The following TAF8 variants were observed in gnomAD, a reference collection of about 807,000 sequenced individuals.
TAF8 encodes the protein TATA-box binding protein associated factor 8, also known as transcription initiation factor TFIID subunit 8.
Under a neutral mutation model 36.5 loss-of-function variants are expected in TAF8, and 47 were observed. That is an observed-to-expected ratio of 1.29 (90% CI 1.02 to 1.64). The LOEUF is 1.64. Ranked by LOEUF, TAF8 falls within the 40% of genes most tolerant of loss-of-function variation. The pLI is 0.00. For synonymous variants in TAF8, 175 were observed against 159.5 expected (o/e 1.10, Z -0.73); for missense variants, 420 against 407.6 (o/e 1.03, Z -0.26).
chr6:42,084,854 A>C (rs1766002570), downstream of TAF8, among the ~76,000 whole-genome samples: 1 of 152,238 alleles, frequency 6.6e-6, no homozygotes, highest in African/African-American at 2.4e-5. Flanking sequence ...TCACCAAGCC[A>C]CTACATGGCA....
intron 2 of TAF8, among the ~76,000 whole-genome samples, chr6:42,054,928 T>A (rs2127449638): frequency 6.7e-6 from 1 of 148,576 alleles, no homozygotes; most frequent in South Asian, 2.1e-4. Flanking sequence ...TTCTTTTTCT[T>A]TTCTTTTTTT....
chr6:42,054,700 C>T (rs949671192), intron 2 of TAF8, among the ~76,000 whole-genome samples: 5 of 152,096 alleles, frequency 3.3e-5, no homozygotes, highest in African/African-American at 9.7e-5. Context: ...CCACCTCCAC[C>T]TCCCAGGTTC....
intron 8 of TAF8, 22 bp from the exon 9 acceptor site, chr6:42,077,511 C>G (rs1362569032): frequency 6.2e-7 from 1 of 1,612,034 alleles, no homozygotes; most frequent in South Asian, 1.1e-5. Context: ...CCAGGAGGCT[C>G]CATGGTTCCT....
chr6:42,051,247 T>A, intron 1 of TAF8, 110 bp from the exon 2 acceptor site: 1 of 1,357,266 alleles, frequency 7.4e-7, no homozygotes, highest in Non-Finnish European at 9.9e-7. Flanking sequence ...TAAGCACTGA[T>A]TTTTAAAATA....
At chr6:42,064,371 G>T (rs2127456655) in intron 5 of TAF8, among the ~76,000 whole-genome samples, 1 of 152,068 alleles carries the variant, frequency 6.6e-6, no homozygotes, top group South Asian at 2.1e-4. Context: ...TCATGTCTCA[G>T]CCTCCCCCAA....
At position 42,057,537 on chromosome 6, in the gene TAF8, G is replaced by A. The variant is rs200007232; in HGVS notation, c.489+24G>A. ...CGGTGAGTGATGAAGCACTGGGACT[G>A]CGCGTGGTGTAAAGCACGGAGTCAG... On this transcript the variant is annotated intron_variant, in intron 5 of 8. Transcript: ENST00000372977. 4.3e-5 allele frequency: 70 copies of A among 1,613,760 alleles called. No homozygotes were observed. In the Admixed American group the frequency reaches 7.3e-4, roughly 17 times the overall value.
At chr6:42,063,598 TTTG>T (rs942495125) in intron 5 of TAF8, 5 of 152,126 alleles carry the variant, frequency 3.3e-5, no homozygotes, top group African/African-American at 9.7e-5. Flanking sequence ...TTTTGTTTGT[TTTG>T]TTGTTCTTGT....
intron 1 of TAF8, 102 bp downstream of exon 1, chr6:42,050,688 C>T: frequency 7.4e-7 from 1 of 1,355,962 alleles, no homozygotes; most frequent in Non-Finnish European, 9.9e-7. Flanking sequence ...TCAGCCCCAT[C>T]ATGAGCTCCG....
chr6:42,069,337 C>T (rs918218779), intron 7 of TAF8, among the ~76,000 whole-genome samples: 3 of 152,056 alleles, frequency 2.0e-5, no homozygotes, highest in African/African-American at 7.2e-5. Flanking sequence ...CTATAGAGGG[C>T]AGGCAGAAGC....
Position 42,055,992 on chromosome 6 carries a change from T to C in TAF8, c.342T>C (p.Ser114=). The C allele has an allele frequency of 6.2e-7, 1 of 1,613,556 alleles. No homozygotes were observed. The highest frequency in any genetic ancestry group is 8.5e-7 in the Non-Finnish European group (1 of 1,179,414). ...CTCTCCCTGCTTATGCAAAACGGTC[T>C]CAGAGGATGGTCATCACTGCTCGTA... ...VDTLPAYAKR[S]QRMVITAPPV... The change falls in exon 4 of 9, where the codon TCT becomes TCC. Residue 114 remains serine (S), a synonymous_variant. Transcript: ENST00000372977.
intron 1 of TAF8, chr6:42,050,805 G>T (rs1387137098): frequency 6.5e-6 from 6 of 926,652 alleles, no homozygotes; most frequent in African/African-American, 1.7e-5. Flanking sequence ...GCTGTTGGGG[G>T]TTGGGAGCCC....
In TAF8 at chr6:42,081,235, GGT is replaced by G. The variant is rs1939742996; in HGVS notation, c.*3692_*3693del. On this transcript the variant is annotated 3_prime_UTR_variant, in exon 9 of 9. Coordinates refer to ENST00000372977, the MANE Select transcript of TAF8 (RefSeq NM_138572.3). ...ACAGAGTTTCGCGCTGGAGTGCAAT[GGT>G]GCAATCTTGGCCCACTGCAACTTCT... is the stretch of plus-strand genomic sequence containing the variant. 1 of 152,494 alleles carries G rather than the reference GGT, an allele frequency of 6.6e-6. No homozygotes were observed. Among genetic ancestry groups the G allele is most frequent in the Non-Finnish European group, 1.5e-5 (1 of 68,522 alleles). 9.4% of individuals were successfully genotyped at this position (152,494 alleles called of 1,614,324 possible). A position where few individuals can be genotyped will look rare whatever the true frequency, so the allele number is the denominator to read the frequency against.
chr6:42,058,006 G>A (rs988395143), intron 5 of TAF8, among the ~76,000 whole-genome samples: 1 of 152,090 alleles, frequency 6.6e-6, no homozygotes, highest in Non-Finnish European at 1.5e-5. Flanking sequence ...AGGTCATTTT[G>A]TTTTGTGTTT....
chr6:42,053,718 C>G (rs1185400349), intron 2 of TAF8, among the ~76,000 whole-genome samples: 1 of 152,148 alleles, frequency 6.6e-6, no homozygotes, highest in Non-Finnish European at 1.5e-5. Context: ...AGTCAAATAA[C>G]AACTTAATTT....
Position 42,054,210 on chromosome 6 carries a change from C to T in TAF8, c.203-1321C>T, listed in dbSNP as rs145479177. 3.7e-4 allele frequency among the ~76,000 whole-genome samples: 56 copies of T among 152,240 alleles called. 1 individual carries two copies. In the East Asian group the frequency reaches 0.01, roughly 28 times the overall value. ...AGCTTCAAAAACTCCATCTTAGAAA[C>T]CTTTCCCCTTTCCCCAAAAGACTTT... On this transcript the variant is annotated intron_variant, in intron 2 of 8. Coordinates refer to ENST00000372977, the MANE Select transcript of TAF8 (RefSeq NM_138572.3).
At chr6:42,062,504 T>C (rs1266560053) in intron 5 of TAF8, among the ~76,000 whole-genome samples, 1 of 151,858 alleles carries the variant, frequency 6.6e-6, no homozygotes, top group African/African-American at 2.4e-5. Flanking sequence ...GTTTCGATTC[T>C]GTTACTCTTT....
Position 42,078,854 on chromosome 6 carries a change from G to C in TAF8, c.*1309G>C. 1 of 985,468 alleles carries C rather than the reference G, an allele frequency of 1.0e-6. No homozygotes were observed. The highest frequency in any genetic ancestry group is 5.2e-4 in the Middle Eastern group (1 of 1,914). The allele number at this position is 985,468 out of a possible 1,614,324, so 61.0% of individuals were successfully genotyped here. On this transcript the variant is annotated 3_prime_UTR_variant, in exon 9 of 9. Coordinates refer to ENST00000372977, the MANE Select transcript of TAF8 (RefSeq NM_138572.3). ...TAGGAAAGAGGGGCTACGCGCAGTG[G>C]CTCACGCCTGTAATCCCAGCACTTC...
Position 42,077,478 on chromosome 6 carries a change from A to T in TAF8, c.921-55A>T. ...CAGCACTGGAGCAGTTTTCCCCTAG[A>T]AGGAGAGCAGACAGGGCCCACACCA... On this transcript the variant is annotated intron_variant, in intron 8 of 8. Transcript: ENST00000372977. The T allele has an allele frequency of 1.9e-6, 3 of 1,605,660 alleles. No homozygotes were observed. The South Asian group carries it at 3.4e-5, about 18-fold the overall frequency.
In TAF8 at chr6:42,066,401, C is replaced by A; in HGVS notation, c.579C>A (p.Phe193Leu). The A allele has an allele frequency of 6.2e-7, 1 of 1,614,256 alleles. No homozygotes were observed. Among genetic ancestry groups the A allele is most frequent in the Non-Finnish European group, 8.5e-7 (1 of 1,180,048 alleles). ...ATGTGGAGCGGGCACTTACCCGTTT[C>A]ATGGCCAAGACAGGCGAGACTCAGA... ...RRDVERALTR[F>L]MAKTGETQSL... The change falls in exon 6 of 9, where the codon TTC (phenylalanine) becomes TTA (leucine). Residue 193 changes from phenylalanine (F) to leucine (L), a missense_variant. By Grantham distance (22) the Phe-to-Leu change is conservative. Transcript: ENST00000372977.
Sources: gnomAD v4.1 joint callset for allele counts (sites outside exome capture counted in the v4.1 genomes callset) on GRCh38, gnomAD v4.1.1 for gene constraint, MANE v1.5 for transcripts, NCBI Gene and HGNC (gene_info 2026-07-23, HGNC 2026-07-21) for gene names.